The following ZWINT variants were observed in gnomAD, a reference collection of about 807,000 sequenced individuals.
ZWINT encodes the protein ZW10 interacting kinetochore protein.
A neutral mutation model predicts 41.5 loss-of-function variants in ZWINT; 41 were observed. The ratio of observed to expected loss-of-function variants is 0.99; its 90% confidence interval spans 0.77 to 1.28. The LOEUF is 1.28. Among genes scored for constraint, ZWINT ranks in the 50% most tolerant of loss-of-function variants. ZWINT has a pLI of 0.00. For synonymous variants in ZWINT, 132 were observed against 126.8 expected, an observed-to-expected ratio of 1.04 and a Z score of -0.28; for missense variants, 369 against 329.7, an observed-to-expected ratio of 1.12 and a Z score of -0.92.
At chr10:56,358,984 T>C (rs767842754) in intron 5 of ZWINT, 37 bp from the exon 6 acceptor site, 1 of 1,608,700 alleles carries the variant, frequency 6.2e-7, no homozygotes, top group South Asian at 1.1e-5. Flanking sequence ...ATGCATCAGA[T>C]GTTGAAGTCT....
At chr10:56,359,022 T>A in intron 5 of ZWINT, 75 bp from the exon 6 acceptor site, 1 of 1,551,660 alleles carries the variant, frequency 6.4e-7, no homozygotes, top group Admixed American at 1.8e-5. Flanking sequence ...CCCTCCAGCC[T>A]ACACCCAGCT....
chr10:56,358,482 A>G (rs1240180317), intron 7 of ZWINT, 23 bp from the exon 8 acceptor site: 1 of 1,614,092 alleles, frequency 6.2e-7, no homozygotes, highest in Admixed American at 1.7e-5. Context: ...CAGTATAGAC[A>G]GTGGGTAAGG....
chr10:56,359,943 A>C (rs561924309), intron 3 of ZWINT, 75 bp downstream of exon 3: 2 of 1,605,870 alleles, frequency 1.2e-6, no homozygotes, highest in East Asian at 4.5e-5. Context: ...CCATCAGCCA[A>C]ATGGGAGACC....
At position 56,361,183 on chromosome 10, in the gene ZWINT, C is replaced by G; in HGVS notation, c.41+13G>C. 3.1e-6 allele frequency: 5 copies of G among 1,613,232 alleles called. No individual in the cohort carries two copies. The highest frequency in any genetic ancestry group is 4.2e-6 in the Non-Finnish European group (5 of 1,179,954). On this transcript the variant is annotated intron_variant, in intron 1 of 8. Coordinates refer to ENST00000373944, the MANE Select transcript of ZWINT (RefSeq NM_007057.4). ...GGCCCGGCCCCAGCTGCCACTTAGCCGCAAACACTTACTCTAGGGCTGCAG... is the reference window on the plus strand; with the variant it reads ...GGCCCGGCCCCAGCTGCCACTTAGCGGCAAACACTTACTCTAGGGCTGCAG...
At chr10:56,360,169 A>T (rs367732201) in intron 2 of ZWINT, 28 bp from the exon 3 acceptor site, 16 of 1,613,264 alleles carry the variant, frequency 9.9e-6, no homozygotes, top group South Asian at 2.2e-5. Flanking sequence ...AGAGACAGGG[A>T]ACATCCTTAC....
At chr10:56,361,037 C>T (rs543004874) in intron 1 of ZWINT, among the ~76,000 whole-genome samples, 159 bp downstream of exon 1, 4 of 152,196 alleles carry the variant, frequency 2.6e-5, no homozygotes, top group Non-Finnish European at 4.4e-5. Flanking sequence ...AGGCAACAGA[C>T]ACCTCAGGAA....
intron 5 of ZWINT, 51 bp downstream of exon 5, chr10:56,359,425 T>C: frequency 6.7e-7 from 1 of 1,489,458 alleles, no homozygotes; most frequent in South Asian, 1.4e-5. Context: ...ACACAGCCGA[T>C]ACAATGGCAT....
Position 56,360,024 on chromosome 10 carries a change from T to G in ZWINT, c.250A>C (p.Thr84Pro). The G allele has an allele frequency of 6.2e-7, 1 of 1,613,990 alleles. No individual in the cohort carries two copies. Among genetic ancestry groups the G allele is most frequent in the Non-Finnish European group, 8.5e-7 (1 of 1,179,986 alleles). The change falls in exon 3 of 9, where the codon ACG (threonine) becomes CCG (proline). Residue 84 changes from threonine (T) to proline (P), a missense_variant. By Grantham distance (38) the Thr-to-Pro change is conservative (BLOSUM62 -1). Transcript: ENST00000373944. ...CAATCCCCTGCCTACTCACGGCTCG[T>G]GTCTTCAGAAGCCAAGGGGTCGAGA... ...KGLDPLASED[T>P]SRQKAIAAKE... is the part of the protein sequence containing the mutation.
At position 56,360,363 on chromosome 10, in the gene ZWINT, C is replaced by A. The variant is rs762529518; in HGVS notation, c.62G>T (p.Gly21Val). Residue 21 changes from glycine to valine, a missense_variant, in exon 2 of 9, where the codon GGC becomes GTC. Physicochemically the swap from Gly to Val is moderately radical, Grantham distance 109 (BLOSUM62 -3). Coordinates refer to ENST00000373944, the MANE Select transcript of ZWINT (RefSeq NM_007057.4). ...CTGCAGGCCTACAGGTTCCAAGATG[C>A]CTGCCACCTCAGCCAGGACCCTGGA... ...AALEVLAEVAGILEPVGLQEE... is the reference protein window; with the variant it reads ...AALEVLAEVAVILEPVGLQEE... The A allele has an allele frequency of 3.1e-6, 5 of 1,614,056 alleles. No homozygotes were observed. The African/African-American group carries it at 5.3e-5, about 17-fold the overall frequency.
chr10:56,360,613 C>A (rs1019645231), intron 1 of ZWINT, among the ~76,000 whole-genome samples: 15 of 152,078 alleles, frequency 9.9e-5, no homozygotes, highest in Admixed American at 4.6e-4. Flanking sequence ...ATCAGCAGGG[C>A]TAGTGGATAA....
At chr10:56,360,499 C>T in intron 1 of ZWINT, 116 bp from the exon 2 acceptor site, 1 of 866,328 alleles carries the variant, frequency 1.2e-6, no homozygotes, top group Non-Finnish European at 1.8e-6. Context: ...TATTGAGAGT[C>T]TTGCCTTGAC....
chr10:56,358,375 AC>A lies in ZWINT; in HGVS notation c.*41+1del, dbSNP rs1301328055. On this transcript the variant is annotated splice_donor_variant, in intron 8 of 8. Transcript: ENST00000373944. LOFTEE classifies it low-confidence loss of function (3UTR_SPLICE). ...GACACCAAGGCCTGAGTTGGGTCTG[AC>A]CTTTTCTAGGATCTTTCTCCATGCT... 6.2e-7 allele frequency: 1 copy of A among 1,612,832 alleles called. No homozygotes were observed.
Position 56,358,158 on chromosome 10 carries a change from T to A in ZWINT, c.*69A>T. ...GAGTTCACAGTCTTTCCTGTAATGA[T>A]GGTTGGGAGGTGAGGGAAGTCAGAG... On this transcript the variant is annotated 3_prime_UTR_variant, in exon 9 of 9. Coordinates refer to ENST00000373944, the MANE Select transcript of ZWINT (RefSeq NM_007057.4). 1 of 725,518 alleles carries A rather than the reference T, an allele frequency of 1.4e-6. No homozygotes were observed. Among genetic ancestry groups the A allele is most frequent in the Admixed American group, 1.7e-5 (1 of 57,274 alleles). The allele number at this position is 725,518 out of a possible 1,614,324, so 44.9% of individuals were successfully genotyped here.
Position 56,358,803 on chromosome 10 carries a change from ACCT to A in ZWINT, c.622_623+1del. 2 of 1,613,636 alleles carry A rather than the reference ACCT, an allele frequency of 1.2e-6. No individual in the cohort carries two copies. Among genetic ancestry groups the A allele is most frequent in the Non-Finnish European group, 1.7e-6 (2 of 1,179,908 alleles). Reference sequence around the variant, plus strand: ...ATCTGCAGCCCATGCTCCCGAACTTACCTCTGCAGCTTGTCCCGCTCCTGTTCT... The same window carrying A: ...ATCTGCAGCCCATGCTCCCGAACTTACTGCAGCTTGTCCCGCTCCTGTTCT... On this transcript the variant is annotated splice_donor_variant and coding_sequence_variant, in exon 6 of 9. Coordinates refer to ENST00000373944, the MANE Select transcript of ZWINT (RefSeq NM_007057.4). LOFTEE classifies it high-confidence loss of function.
In ZWINT at chr10:56,361,199, A is replaced by G. The variant is rs777156077; in HGVS notation, c.38T>C (p.Leu13Pro). ...AAETEAEAAA[L>P]EVLAEVAGIL... ...CCACTTAGCCGCAAACACTTACTCT[A>G]GGGCTGCAGCTTCCGCCTCTGTCTC... The change falls in exon 1 of 9, where the codon CTA (leucine) becomes CCA (proline). Residue 13 changes from leucine to proline, a missense_variant. Coordinates refer to ENST00000373944, the MANE Select transcript of ZWINT (RefSeq NM_007057.4). 3.7e-6 allele frequency: 6 copies of G among 1,613,176 alleles called. No individual in the cohort carries two copies. The highest frequency in any genetic ancestry group is 1.7e-5 in the Admixed American group (1 of 59,986).
intron 1 of ZWINT, 79 bp from the exon 2 acceptor site, chr10:56,360,462 T>A: frequency 8.5e-7 from 1 of 1,177,610 alleles, no homozygotes; most frequent in East Asian, 2.5e-5. Flanking sequence ...CACAAACAAA[T>A]GTGGATGTGT....
In ZWINT at chr10:56,358,855, T is replaced by C. The variant is rs1285801959; in HGVS notation, c.573A>G (p.Lys191=). 6.2e-7 allele frequency: 1 copy of C among 1,614,066 alleles called. No homozygotes were observed. The highest frequency in any genetic ancestry group is 1.1e-5 in the South Asian group (1 of 91,076). Residue 191 remains lysine, a synonymous_variant, in exon 6 of 9, where the codon AAA becomes AAG. Coordinates refer to ENST00000373944, the MANE Select transcript of ZWINT (RefSeq NM_007057.4). ...TQQELDRVFQ[K]LGNLKQQAEQ... is the part of the protein sequence containing the mutation. The stretch of plus-strand genomic sequence containing the variant: ...CTGCCTGCTGCTTCAGGTTTCCAAG[T>C]TTCTGAAACACCCTGTCAAGCTCCT...
chr10:56,360,158 C>A lies in ZWINT; in HGVS notation c.133-17G>T. The A allele has an allele frequency of 1.2e-6, 2 of 1,613,556 alleles. No individual in the cohort carries two copies. Among genetic ancestry groups the A allele is most frequent in the Non-Finnish European group, 1.7e-6 (2 of 1,179,944 alleles). ...CTGAGAGTCCTGCTCAGAGGGAGGG[C>A]AGAGACAGGGAACATCCTTACCTCC... On this transcript the variant is annotated splice_polypyrimidine_tract_variant and intron_variant, in intron 2 of 8. Transcript: ENST00000373944.
chr10:56,357,675 G>A lies in ZWINT; in HGVS notation c.*552C>T, dbSNP rs1838199509. 1 of 185,672 alleles carries A rather than the reference G, an allele frequency of 5.4e-6. No homozygotes were observed. Among genetic ancestry groups the A allele is most frequent in the Admixed American group, 5.4e-5 (1 of 18,528 alleles). The allele number at this position is 185,672 out of a possible 1,614,324, so 11.5% of individuals were successfully genotyped here. ...TATAATAAATGAACATCTGAAACCA[G>A]TGATCGAGAAATGTTTTAGATAAGG... On this transcript the variant is annotated 3_prime_UTR_variant, in exon 9 of 9. Coordinates refer to ENST00000373944, the MANE Select transcript of ZWINT (RefSeq NM_007057.4).
Sources: allele counts gnomAD v4.1 joint callset (sites outside exome capture counted in the v4.1 genomes callset), GRCh38; gene constraint gnomAD v4.1.1; transcripts MANE v1.5; gene names NCBI Gene and HGNC (gene_info 2026-07-23, HGNC 2026-07-21).